The following GAREM1 variants were observed in gnomAD, a reference collection of about 807,000 sequenced individuals.
The protein encoded by GAREM1 is GRB2 associated regulator of MAPK1 subtype 1.
In GAREM1, 26 loss-of-function variants were observed where a neutral mutation model predicts 71.3. That is an observed-to-expected ratio of 0.36 (90% CI 0.27 to 0.51). The LOEUF (loss-of-function observed/expected upper bound fraction) is 0.51, where lower values mean the gene tolerates loss of function less well. Ranked by LOEUF, GAREM1 falls within the 20% of genes least tolerant of loss-of-function variation. The pLI is 0.95. For synonymous variants in GAREM1, 440 were observed against 433.2 expected (o/e 1.02, Z -0.20); for missense variants, 1,026 against 1,103.1 (o/e 0.93, Z 0.99).
chr18:32,431,592 C>A (rs898358687), intron 1 of GAREM1, among the ~76,000 whole-genome samples: 3 of 152,150 alleles, frequency 2.0e-5, no homozygotes, highest in Non-Finnish European at 4.4e-5. Context: ...CACGCCACTG[C>A]ACTCCAGCCT....
At chr18:32,309,468 T>C (rs538516784) in intron 3 of GAREM1, among the ~76,000 whole-genome samples, 30 of 150,068 alleles carry the variant, frequency 2.0e-4, no homozygotes, top group African/African-American at 7.1e-4. Context: ...ACAAAAAAAA[T>C]AGCTGGGCGT....
intron 1 of GAREM1, among the ~76,000 whole-genome samples, chr18:32,464,617 G>A (rs531825045): frequency 1.3e-5 from 2 of 152,266 alleles, no homozygotes; most frequent in South Asian, 2.1e-4. Context: ...ATAACCTGCG[G>A]ATTACCAGAT....
intron 1 of GAREM1, among the ~76,000 whole-genome samples, chr18:32,395,392 A>G (rs987921957): frequency 6.6e-6 from 1 of 152,226 alleles, no homozygotes; most frequent in African/African-American, 2.4e-5. Flanking sequence ...GACAGCCAAT[A>G]CCAATAACAA....
intron 2 of GAREM1, among the ~76,000 whole-genome samples, chr18:32,328,350 T>G (rs2047493300): frequency 6.6e-6 from 1 of 152,212 alleles, no homozygotes; most frequent in African/African-American, 2.4e-5. Flanking sequence ...CTGCAGGAGA[T>G]AGTGGGATAG....
chr18:32,432,310 A>G (rs1003000920), intron 1 of GAREM1, among the ~76,000 whole-genome samples: 2 of 152,124 alleles, frequency 1.3e-5, no homozygotes, highest in African/African-American at 4.8e-5. Flanking sequence ...TTACATTATA[A>G]AAGTAGAAAG....
At chr18:32,436,186 T>C (rs778630070) in intron 1 of GAREM1, among the ~76,000 whole-genome samples, 6 of 152,170 alleles carry the variant, frequency 3.9e-5, no homozygotes, top group Admixed American at 6.5e-5. Context: ...GAAGAGGTTT[T>C]AGATGAGCGC....
intron 2 of GAREM1, among the ~76,000 whole-genome samples, chr18:32,388,959 G>A (rs951515062): frequency 7.2e-5 from 11 of 152,054 alleles, no homozygotes; most frequent in African/African-American, 2.7e-4. Context: ...TTGTTCTTAG[G>A]AAATACACAG....
chr18:32,455,923 C>T (rs1197560588), intron 1 of GAREM1, among the ~76,000 whole-genome samples: 1 of 152,012 alleles, frequency 6.6e-6, no homozygotes, highest in Non-Finnish European at 1.5e-5. Flanking sequence ...TAGTTCATAT[C>T]AGGAATAAAC....
chr18:32,314,395 G>A (rs2047355846), intron 2 of GAREM1, among the ~76,000 whole-genome samples: 2 of 152,100 alleles, frequency 1.3e-5, no homozygotes, highest in Non-Finnish European at 2.9e-5. Flanking sequence ...AAGTTTTGTG[G>A]TGCTGGCAAG....
rs559616011 is a variant in GAREM1, at chr18:32,350,990, T to C, written c.263-40667A>G. 1.1e-3 allele frequency among the ~76,000 whole-genome samples: 160 copies of C among 152,268 alleles called. 1 individual carries two copies. The highest frequency in any genetic ancestry group is 1.8e-3 in the Non-Finnish European group (122 of 67,980). On this transcript the variant is annotated intron_variant, in intron 2 of 5. Transcript: ENST00000269209. ...GTACAAATACTGGCAAAATGTTATG[T>C]AGAAAAAGTTGACTTGAATTTTTCT...
rs2041386060 is a variant in GAREM1, at chr18:32,267,259, A to C, written c.*612T>G. 6.6e-6 allele frequency: 1 copy of C among 152,242 alleles called. No homozygotes were observed. Among genetic ancestry groups the C allele is most frequent in the African/African-American group, 2.4e-5 (1 of 41,464 alleles). The allele number at this position is 152,242 out of a possible 1,614,324, so 9.4% of individuals were successfully genotyped here. On this transcript the variant is annotated 3_prime_UTR_variant, in exon 6 of 6. Transcript: ENST00000269209. ...CAGTTACAGATAAATTATTGTGGTC[A>C]TGATTTGTGTGATTTCTAAGGACAA... is the stretch of plus-strand genomic sequence containing the variant.
intron 2 of GAREM1, among the ~76,000 whole-genome samples, chr18:32,320,741 T>C (rs529852981): frequency 1.5e-4 from 23 of 152,322 alleles, no homozygotes; most frequent in Admixed American, 3.3e-4. Context: ...CTGGGATCTA[T>C]GTTCTAAGCA....
At chr18:32,271,783 A>G (rs1334067334) in intron 4 of GAREM1, among the ~76,000 whole-genome samples, 2 of 152,148 alleles carry the variant, frequency 1.3e-5, no homozygotes, top group Middle Eastern at 3.2e-3. Context: ...GGCTTCTCTG[A>G]GACTGCCTGC....
At chr18:32,390,196 T>C (rs376994279) in intron 2 of GAREM1, among the ~76,000 whole-genome samples, 1 of 151,962 alleles carries the variant, frequency 6.6e-6, no homozygotes, top group African/African-American at 2.4e-5. Context: ...AAAACACTTA[T>C]AAAACCACAC....
chr18:32,457,075 T>A (rs906321979), intron 1 of GAREM1, among the ~76,000 whole-genome samples: 3 of 151,454 alleles, frequency 2.0e-5, no homozygotes, highest in Non-Finnish European at 4.4e-5. Context: ...ATTTGGATTA[T>A]GTAGGTGGGC....
chr18:32,330,429 C>T (rs559343564), intron 2 of GAREM1, among the ~76,000 whole-genome samples: 36 of 152,058 alleles, frequency 2.4e-4, no homozygotes, highest in Non-Finnish European at 4.1e-4. Flanking sequence ...GTGACAGGAT[C>T]ATTTGTATCA....
chr18:32,406,729 A>G (rs2048370553), intron 1 of GAREM1, among the ~76,000 whole-genome samples: 1 of 152,222 alleles, frequency 6.6e-6, no homozygotes, highest in Non-Finnish European at 1.5e-5. Flanking sequence ...AGTACAGGTA[A>G]TAATTGAAGT....
At chr18:32,381,200 GAACT>G (rs35408518) in intron 2 of GAREM1, among the ~76,000 whole-genome samples, 3,043 of 152,112 alleles carry the variant, frequency 0.02, 116 homozygotes, top group African/African-American at 0.067. Context: ...GCAAGCCCAA[GAACT>G]AAAAGGACAT....
chr18:32,460,117 A>C lies in GAREM1; in HGVS notation c.121+10191T>G, dbSNP rs910733003. On this transcript the variant is annotated intron_variant, in intron 1 of 5. Transcript: ENST00000269209. The stretch of plus-strand genomic sequence containing the variant: ...ATTGAGAAAACTGTCATCTTATTTA[A>C]AAAAAAAAAAAAAAAAAAGTCTGAC... Among the ~76,000 whole-genome samples the C allele has an allele frequency of 3.9e-3, 321 of 83,030 alleles. 3 individuals carry two copies. The highest frequency in any genetic ancestry group is 0.022 in the African/African-American group (302 of 13,640). The allele number at this position is 83,030 out of a possible 152,430, so 54.5% of individuals were successfully genotyped here.
Sources: allele counts gnomAD v4.1 joint callset (sites outside exome capture counted in the v4.1 genomes callset), GRCh38; gene constraint gnomAD v4.1.1; transcripts MANE v1.5; gene names NCBI Gene and HGNC (gene_info 2026-07-23, HGNC 2026-07-21).